The following DOCK3 variants were observed in gnomAD, a reference collection of about 807,000 sequenced individuals.
DOCK3 encodes dedicator of cytokinesis 3, also known as dedicator of cytokinesis protein 3.
Under a neutral mutation model 265.6 loss-of-function variants are expected in DOCK3, and 60 were observed. The observed-to-expected ratio is 0.23, with a 90% CI of 0.18 to 0.28. The LOEUF (loss-of-function observed/expected upper bound fraction) is 0.28. Among genes scored for constraint, DOCK3 ranks in the 10% least tolerant of loss-of-function variants. The pLI, the probability that DOCK3 is intolerant of heterozygous loss-of-function variation, is 1.00. For synonymous variants in DOCK3, 881 were observed against 938.0 expected (o/e 0.94, Z 1.11); for missense variants, 1,981 against 2,594.3 (o/e 0.76, Z 5.14).
At chr3:51,333,099 C>T (rs2084636443) in intron 34 of DOCK3, 59 bp from the exon 35 acceptor site, 5 of 1,613,836 alleles carry the variant, frequency 3.1e-6, no homozygotes, top group Admixed American at 3.3e-5. Context: ...GGACTTCACT[C>T]TTGTGCCCAG....
intron 2 of DOCK3, among the ~76,000 whole-genome samples, chr3:50,813,087 A>G (rs556858484): frequency 6.6e-6 from 1 of 152,242 alleles, no homozygotes; most frequent in Non-Finnish European, 1.5e-5. Flanking sequence ...ACATGTACAC[A>G]TGAAGACATC....
chr3:51,252,432 A>C (rs2079303787), intron 22 of DOCK3, among the ~76,000 whole-genome samples: 1 of 152,310 alleles, frequency 6.6e-6, no homozygotes, highest in South Asian at 2.1e-4. Flanking sequence ...GATGGCATTG[A>C]ATCTATAAAT....
At chr3:50,812,470 A>G (rs1424387427) in intron 2 of DOCK3, among the ~76,000 whole-genome samples, 1 of 152,234 alleles carries the variant, frequency 6.6e-6, no homozygotes, top group African/African-American at 2.4e-5. Context: ...AGACTAATAC[A>G]TCTATATATA....
chr3:51,122,796 A>G (rs2084087162), intron 9 of DOCK3, among the ~76,000 whole-genome samples: 1 of 152,264 alleles, frequency 6.6e-6, no homozygotes, highest in Non-Finnish European at 1.5e-5. Flanking sequence ...GCATCCTGAC[A>G]TCTGACCTGG....
chr3:51,375,395 C>G (rs1054983353), intron 50 of DOCK3, among the ~76,000 whole-genome samples: 1 of 152,192 alleles, frequency 6.6e-6, no homozygotes, highest in Non-Finnish European at 1.5e-5. Flanking sequence ...CTAAACCTGT[C>G]AGTGCTCATG....
chr3:51,275,432 C>T (rs1258742259), intron 25 of DOCK3, among the ~76,000 whole-genome samples: 1 of 152,168 alleles, frequency 6.6e-6, no homozygotes, highest in African/African-American at 2.4e-5. Flanking sequence ...TAAATCTACC[C>T]AGAAATATAG....
In DOCK3 at chr3:51,372,942, G is replaced by A. The variant is rs542831534; in HGVS notation, c.5294-1527G>A. 2.0e-4 allele frequency among the ~76,000 whole-genome samples: 31 copies of A among 152,284 alleles called. 1 individual carries two copies. In the South Asian group the frequency reaches 5.4e-3, roughly 26 times the overall value. ...AAATCACAAAATAGCAATTCAGGTC[G>A]AGTTTTAAAAATCATATTTTAGTCA... On this transcript the variant is annotated intron_variant, in intron 49 of 52. Coordinates refer to ENST00000266037, the MANE Select transcript of DOCK3 (RefSeq NM_004947.5).
At chr3:51,040,992 G>A (rs2080457706) in intron 5 of DOCK3, among the ~76,000 whole-genome samples, 1 of 151,240 alleles carries the variant, frequency 6.6e-6, no homozygotes, top group African/African-American at 2.4e-5. Flanking sequence ...ATGAGGGTTG[G>A]CATCAACATC....
chr3:50,924,766 T>C (rs145514000), intron 4 of DOCK3, among the ~76,000 whole-genome samples: 143 of 152,364 alleles, frequency 9.4e-4, no homozygotes, highest in African/African-American at 3.3e-3. Flanking sequence ...TTCATGGAGT[T>C]GAGCTCCTCT....
At chr3:51,078,347 A>T (rs1416409441) in intron 7 of DOCK3, among the ~76,000 whole-genome samples, 1 of 152,226 alleles carries the variant, frequency 6.6e-6, no homozygotes. Context: ...GAAAACGTTT[A>T]AAAGTTTAGA....
intron 9 of DOCK3, among the ~76,000 whole-genome samples, chr3:51,105,455 A>G (rs1205648241): frequency 6.6e-6 from 1 of 152,240 alleles, no homozygotes; most frequent in Non-Finnish European, 1.5e-5. Flanking sequence ...AAAGACAAAC[A>G]AGAATGTTCA....
At position 51,073,865 on chromosome 3, in the gene DOCK3, C is replaced by G. The variant is rs548349713; in HGVS notation, c.465-1491C>G. Among the ~76,000 whole-genome samples the G allele has an allele frequency of 2.0e-5, 3 of 152,222 alleles. 1 individual carries two copies. In the South Asian group the frequency reaches 6.2e-4, roughly 32 times the overall value. Reference sequence around the variant, plus strand: ...GCCTATGCTGTTAGTACATTTGCTTCTATAATACTTTCTCCATATAGGTTT... The same window carrying G: ...GCCTATGCTGTTAGTACATTTGCTTGTATAATACTTTCTCCATATAGGTTT... On this transcript the variant is annotated intron_variant, in intron 6 of 52. Transcript: ENST00000266037.
intron 36 of DOCK3, among the ~76,000 whole-genome samples, 162 bp downstream of exon 36, chr3:51,338,581 A>C (rs1383274516): frequency 1.3e-5 from 2 of 152,068 alleles, no homozygotes; most frequent in Non-Finnish European, 2.9e-5. Context: ...ACTCCCCCAA[A>C]CACATTCCTA....
intron 9 of DOCK3, among the ~76,000 whole-genome samples, chr3:51,126,011 T>G (rs62260389): frequency 0.1 from 15,970 of 152,280 alleles, 1,083 homozygotes; most frequent in Middle Eastern, 0.19. Context: ...TGGAAAACAA[T>G]GAATAGGAAA....
At chr3:50,818,103 G>A (rs2044195726) in intron 2 of DOCK3, among the ~76,000 whole-genome samples, 1 of 152,206 alleles carries the variant, frequency 6.6e-6, no homozygotes, top group African/African-American at 2.4e-5. Flanking sequence ...TGAACCTTGA[G>A]CCTGCCTTGT....
intron 32 of DOCK3, among the ~76,000 whole-genome samples, chr3:51,319,039 A>C (rs2083524310): frequency 6.6e-6 from 1 of 151,942 alleles, no homozygotes; most frequent in Non-Finnish European, 1.5e-5. Flanking sequence ...TATATCTCTT[A>C]TTTTTCTTGC....
chr3:50,820,062 C>T (rs928400651), intron 2 of DOCK3, among the ~76,000 whole-genome samples: 3 of 152,164 alleles, frequency 2.0e-5, no homozygotes, highest in Non-Finnish European at 4.4e-5. Flanking sequence ...AACTCCCCAC[C>T]CCTTTCCCAA....
chr3:51,212,470 A>G (rs1429675053), intron 13 of DOCK3, among the ~76,000 whole-genome samples: 3 of 149,404 alleles, frequency 2.0e-5, no homozygotes, highest in East Asian at 2.0e-4. Context: ...TCCAACCACA[A>G]CCCCCTCAAA....
rs59382660 is a variant in DOCK3, at chr3:51,053,078, G to GATATATATATAT, written c.316-11337_316-11326dup. On this transcript the variant is annotated intron_variant, in intron 5 of 52. Transcript: ENST00000266037. ...AGTTTCATCTTTTAAAAAAGTCAAA[G>GATATATATATAT]ATATATATATATATATATATATATA... is the stretch of plus-strand genomic sequence containing the variant. 8.2e-3 allele frequency among the ~76,000 whole-genome samples: 360 copies of GATATATATATAT among 43,640 alleles called. 31 individuals carry two copies. The highest frequency in any genetic ancestry group is 0.01 in the East Asian group (3 of 290). The allele number at this position is 43,640 out of a possible 152,430, so 28.6% of individuals were successfully genotyped here. A position where few individuals can be genotyped will look rare whatever the true frequency, so the allele number is the denominator to read the frequency against.
Sources: allele counts gnomAD v4.1 joint callset (sites outside exome capture counted in the v4.1 genomes callset), GRCh38; gene constraint gnomAD v4.1.1; transcripts MANE v1.5; gene names NCBI Gene and HGNC (gene_info 2026-07-23, HGNC 2026-07-21).